Variants in NDNF observed in about 807,000 individuals in gnomAD.
The protein encoded by NDNF is protein NDNF.
In NDNF, 16 loss-of-function variants were observed where a neutral mutation model predicts 42.0. The observed-to-expected ratio is 0.38, with a 90% confidence interval of 0.26 to 0.58. The LOEUF (loss-of-function observed/expected upper bound fraction) is 0.58. Ranked by LOEUF, NDNF falls within the 20% of genes least tolerant of loss-of-function variation. The probability of loss-of-function intolerance (pLI) is 0.67; values close to 1 mark genes in which losing one functional copy is unlikely to be tolerated. For synonymous variants in NDNF, 248 were observed against 251.7 expected (o/e 0.99, Z 0.14); for missense variants, 616 against 666.2 (o/e 0.92, Z 0.83).
At chr4:121,039,173 AGAC>A (rs1726939898) in intron 3 of NDNF, among the ~76,000 whole-genome samples, 7 of 18,418 alleles carry the variant, frequency 3.8e-4, no homozygotes, top group South Asian at 3.5e-3. Flanking sequence ...ATATATATAA[AGAC>A]TATGTGTGTG....
At chr4:121,045,869 T>A in intron 1 of NDNF, 31 bp from the exon 2 acceptor site, 1 of 1,596,542 alleles carries the variant, frequency 6.3e-7, no homozygotes, top group African/African-American at 1.3e-5. Context: ...ACTTTATTAG[T>A]TCTGCAGGCA....
At chr4:121,069,644 C>T (rs991435596) in intron 1 of NDNF, among the ~76,000 whole-genome samples, 4 of 152,260 alleles carry the variant, frequency 2.6e-5, no homozygotes, top group Admixed American at 1.3e-4. Context: ...GCAGACAAGG[C>T]TGCAAGCTGT....
Position 121,036,490 on chromosome 4 carries a change from T to G in NDNF, c.1481A>C (p.Lys494Thr), listed in dbSNP as rs749704430. ...TAGACATTGGTTTTGCTCTCTTTTC[T>G]TCTGGTCTTCATTGTAGTTATCATC... Reference protein sequence around the residue: ...EVDDNYNEDQKKREQNQCLGP... With the variant: ...EVDDNYNEDQTKREQNQCLGP... The change falls in exon 4 of 4, where the codon AAG (lysine) becomes ACG (threonine). Residue 494 changes from lysine to threonine, a missense_variant. By Grantham distance (78) the Lys-to-Thr change is moderately conservative. Transcript: ENST00000379692. 6.2e-7 allele frequency: 1 copy of G among 1,614,194 alleles called. No individual in the cohort carries two copies. Among genetic ancestry groups the G allele is most frequent in the Admixed American group, 1.7e-5 (1 of 60,004 alleles).
At chr4:121,058,550 G>A (rs935945038) in intron 1 of NDNF, among the ~76,000 whole-genome samples, 5 of 152,120 alleles carry the variant, frequency 3.3e-5, no homozygotes, top group African/African-American at 1.2e-4. Flanking sequence ...AGGTCCTGAC[G>A]AGGCGGCTGA....
intron 1 of NDNF, among the ~76,000 whole-genome samples, chr4:121,065,647 G>A (rs1205904027): frequency 6.6e-6 from 1 of 151,230 alleles, no homozygotes; most frequent in Non-Finnish European, 1.5e-5. Flanking sequence ...GGCACAAATT[G>A]CCCATTATGG....
chr4:121,041,179 T>C (rs192097044), intron 2 of NDNF, among the ~76,000 whole-genome samples: 3 of 152,366 alleles, frequency 2.0e-5, no homozygotes, highest in East Asian at 3.9e-4. Context: ...TGCTTAACTA[T>C]AGAAATACCA....
At chr4:121,038,584 C>A (rs1209149511) in intron 3 of NDNF, among the ~76,000 whole-genome samples, 1 of 152,036 alleles carries the variant, frequency 6.6e-6, no homozygotes, top group East Asian at 1.9e-4. Context: ...TGGGTAGCTA[C>A]AGTGAGAAGA....
intron 1 of NDNF, among the ~76,000 whole-genome samples, chr4:121,052,864 T>C (rs1009303304): frequency 3.2e-4 from 49 of 152,166 alleles, no homozygotes; most frequent in African/African-American, 1.1e-3. Flanking sequence ...CTGTTAAAAA[T>C]TTGAAGGAAA....
chr4:121,047,361 C>G (rs550599037), intron 1 of NDNF, among the ~76,000 whole-genome samples: 1 of 152,206 alleles, frequency 6.6e-6, no homozygotes, highest in African/African-American at 2.4e-5. Context: ...GTGCAAAGCA[C>G]TGTTCTAAGT....
intron 1 of NDNF, 174 bp downstream of exon 1, chr4:121,071,811 CCCTCAGCT>C (rs1159388881): frequency 1.8e-4 from 27 of 150,862 alleles, no homozygotes; most frequent in Non-Finnish European, 8.8e-5. Context: ...GCCCCTCATG[CCCTCAGCT>C]CCTACGGATA....
chr4:121,061,667 T>C (rs557889115), intron 1 of NDNF, among the ~76,000 whole-genome samples: 2 of 152,052 alleles, frequency 1.3e-5, no homozygotes, highest in African/African-American at 4.8e-5. Flanking sequence ...TCCCCCACCA[T>C]CCCCCCACCA....
chr4:121,057,221 C>A (rs556589711), intron 1 of NDNF, among the ~76,000 whole-genome samples: 4 of 152,164 alleles, frequency 2.6e-5, no homozygotes, highest in South Asian at 2.1e-4. Context: ...GAAGAAGGGG[C>A]CCTTCTAGGC....
At chr4:121,041,270 G>A (rs1726992792) in intron 2 of NDNF, among the ~76,000 whole-genome samples, 1 of 152,168 alleles carries the variant, frequency 6.6e-6, no homozygotes, top group South Asian at 2.1e-4. Context: ...AGGAAAGAGT[G>A]GTTTCAGTTC....
Position 121,065,939 on chromosome 4 carries a change from A to G in NDNF, c.-2+6054T>C, listed in dbSNP as rs143592412. ...AAAATAAAATTAATTTAAAAGTTAA[A>G]TATAAATTAATTAATGTAAAAGTTA... On this transcript the variant is annotated intron_variant, in intron 1 of 3. Transcript: ENST00000379692. Among the ~76,000 whole-genome samples, 454 of 152,218 alleles carry G rather than the reference A, an allele frequency of 3.0e-3. 2 individuals are homozygous for G. The highest frequency in any genetic ancestry group is 0.011 in the African/African-American group (439 of 41,550).
chr4:121,069,003 A>G (rs952365157), intron 1 of NDNF, among the ~76,000 whole-genome samples: 1 of 152,236 alleles, frequency 6.6e-6, no homozygotes, highest in African/African-American at 2.4e-5. Context: ...AAATAAATAT[A>G]GGAAGAGAAG....
intron 1 of NDNF, among the ~76,000 whole-genome samples, chr4:121,059,010 C>T (rs1727351248): frequency 6.6e-6 from 1 of 152,062 alleles, no homozygotes; most frequent in African/African-American, 2.4e-5. Context: ...TTCATATTCC[C>T]AGCAAGTGCC....
At chr4:121,039,043 C>A (rs1325823339) in intron 3 of NDNF, 2 of 148,272 alleles carry the variant, frequency 1.3e-5, no homozygotes, top group East Asian at 2.0e-4. Context: ...TCTTTACTCC[C>A]CATACACACT....
chr4:121,061,246 G>A (rs1368788043), intron 1 of NDNF: 1 of 152,512 alleles, frequency 6.6e-6, no homozygotes, highest in Non-Finnish European at 1.5e-5. Flanking sequence ...TAATTTGAGA[G>A]CTTGTTTGGA....
chr4:121,045,110 T>C lies in NDNF; in HGVS notation c.188+540A>G, dbSNP rs564252020. Reference sequence around the variant, plus strand: ...GCTTACGCCTGTAATCCCAGCATTTTGGGCGGCCAAAGAGGGCGGATCACG... The same window carrying C: ...GCTTACGCCTGTAATCCCAGCATTTCGGGCGGCCAAAGAGGGCGGATCACG... On this transcript the variant is annotated intron_variant, in intron 2 of 3. Coordinates refer to ENST00000379692, the MANE Select transcript of NDNF (RefSeq NM_024574.4). Among the ~76,000 whole-genome samples, 16 of 152,368 alleles carry C rather than the reference T, an allele frequency of 1.1e-4. 1 individual carries two copies. The South Asian group carries it at 3.3e-3, about 32-fold the overall frequency.
Sources: gnomAD v4.1 joint callset for allele counts (sites outside exome capture counted in the v4.1 genomes callset) on GRCh38, gnomAD v4.1.1 for gene constraint, MANE v1.5 for transcripts, NCBI Gene and HGNC (gene_info 2026-07-23, HGNC 2026-07-21) for gene names.